EPB41: variants seen among roughly 807,000 people sequenced by gnomAD.
The protein encoded by EPB41 is erythrocyte membrane protein band 4.1, also known as protein 4.1.
EPB41 carries 65 observed loss-of-function variants against 108.0 expected under a neutral mutation model. The ratio of observed to expected loss-of-function variants is 0.60; its 90% CI spans 0.49 to 0.74. The LOEUF (loss-of-function observed/expected upper bound fraction) is 0.74. EPB41 is among the 30% of genes least tolerant of loss of function. EPB41 has a pLI of 0.00. For missense variants in EPB41, 875 were observed against 1,037.0 expected (o/e 0.84, Z 2.15); for synonymous variants, 336 against 358.9 (o/e 0.94, Z 0.72).
chr1:29,013,680 C>T (rs949244279), intron 5 of EPB41, among the ~76,000 whole-genome samples: 5 of 151,928 alleles, frequency 3.3e-5, no homozygotes, highest in Non-Finnish European at 7.4e-5. Context: ...GCATGTGCCA[C>T]CATACTTGGC....
intron 1 of EPB41, among the ~76,000 whole-genome samples, chr1:28,919,887 T>C (rs1342427116): frequency 1.3e-5 from 2 of 152,244 alleles, no homozygotes; most frequent in Non-Finnish European, 2.9e-5. Context: ...TTATCTCTTA[T>C]CTCCAAGTTA....
rs975278747 is a variant in EPB41, at chr1:28,974,800, G to T, written c.-7-12631G>T. Among the ~76,000 whole-genome samples the T allele has an allele frequency of 1.1e-4, 16 of 143,894 alleles. No homozygotes were observed. In the East Asian group the frequency reaches 1.4e-3, roughly 13 times the overall value. The allele number at this position is 143,894 out of a possible 152,430, so 94.4% of individuals were successfully genotyped here. On this transcript the variant is annotated intron_variant, in intron 1 of 20. Coordinates refer to ENST00000343067, the MANE Select transcript of EPB41 (RefSeq NM_001376013.1). ...ATTTCAGTTTTTCAGTTTTGTTTTTGTTTTTTTTTTTTGAGATGGAGTCTT... is the reference window on the plus strand; with the variant it reads ...ATTTCAGTTTTTCAGTTTTGTTTTTTTTTTTTTTTTTTGAGATGGAGTCTT...
At chr1:29,028,454 A>G (rs950323379) in intron 7 of EPB41, among the ~76,000 whole-genome samples, 14 of 152,332 alleles carry the variant, frequency 9.2e-5, no homozygotes, top group Middle Eastern at 3.4e-3. Context: ...TCCCAATAGT[A>G]ACATTCATTC....
At chr1:29,016,784 T>C (rs1368743739) in intron 6 of EPB41, among the ~76,000 whole-genome samples, 2 of 152,226 alleles carry the variant, frequency 1.3e-5, no homozygotes, top group Non-Finnish European at 2.9e-5. Context: ...CATAGGGTCT[T>C]ATCCACAGGA....
In EPB41 at chr1:29,011,071, T is replaced by C. The variant is rs139316713; in HGVS notation, c.787-794T>C. On this transcript the variant is annotated intron_variant, in intron 4 of 20. Coordinates refer to ENST00000343067, the MANE Select transcript of EPB41 (RefSeq NM_001376013.1). Reference sequence around the variant, plus strand: ...AGGCGGAGGTTGCAGTGGGCTGACATCGAGATTGCGCCATTGCTCTCCAGC... The same window carrying C: ...AGGCGGAGGTTGCAGTGGGCTGACACCGAGATTGCGCCATTGCTCTCCAGC... 9.8e-5 allele frequency among the ~76,000 whole-genome samples: 14 copies of C among 143,420 alleles called. No individual in the cohort carries two copies. In the East Asian group the frequency reaches 2.8e-3, roughly 29 times the overall value. The allele number at this position is 143,420 out of a possible 152,430, so 94.1% of individuals were successfully genotyped here.
At chr1:28,901,679 A>G (rs1570166944) in intron 1 of EPB41, among the ~76,000 whole-genome samples, 2 of 151,674 alleles carry the variant, frequency 1.3e-5, no homozygotes, top group Middle Eastern at 3.4e-3. Context: ...GATTACAGGC[A>G]CCCGCCACCA....
chr1:28,986,983 G>A (rs1026574124), intron 1 of EPB41, among the ~76,000 whole-genome samples: 3 of 152,142 alleles, frequency 2.0e-5, no homozygotes, highest in Admixed American at 6.5e-5. Flanking sequence ...AAAGACTGGG[G>A]GAACTTTTAA....
intron 16 of EPB41, among the ~76,000 whole-genome samples, chr1:29,075,205 G>A (rs1452181363): frequency 1.3e-5 from 2 of 150,702 alleles, no homozygotes; most frequent in African/African-American, 2.4e-5. Flanking sequence ...TAGGCCAGGT[G>A]TGGTGGCTCA....
intron 10 of EPB41, 34 bp from the exon 11 acceptor site, chr1:29,039,220 T>C (rs769604984): frequency 7.5e-6 from 12 of 1,594,026 alleles, no homozygotes; most frequent in African/African-American, 1.3e-5. Context: ...AAGATGAATA[T>C]ATAATAATAT....
chr1:28,928,153 T>C (rs1488851999), intron 1 of EPB41, among the ~76,000 whole-genome samples: 3 of 152,030 alleles, frequency 2.0e-5, no homozygotes, highest in African/African-American at 7.2e-5. Context: ...GCTCACGAGA[T>C]AAAACACACA....
intron 16 of EPB41, among the ~76,000 whole-genome samples, chr1:29,066,960 C>CCA (rs1400376120): frequency 6.6e-6 from 1 of 151,614 alleles, no homozygotes; most frequent in African/African-American, 2.4e-5. Context: ...CAGGCATGAG[C>CCA]CACCGTGCCC....
chr1:29,040,723 A>G (rs1224301075), intron 11 of EPB41, among the ~76,000 whole-genome samples: 1 of 152,202 alleles, frequency 6.6e-6, no homozygotes, highest in Non-Finnish European at 1.5e-5. Flanking sequence ...CTGACAGAAG[A>G]CCTGTCTGAA....
chr1:29,024,239 G>C (rs2096685847), intron 7 of EPB41, among the ~76,000 whole-genome samples: 1 of 151,894 alleles, frequency 6.6e-6, no homozygotes, highest in East Asian at 1.9e-4. Flanking sequence ...GGAGGCTGAG[G>C]CAGGAGAATT....
At chr1:29,075,211 G>T (rs192086717) in intron 16 of EPB41, among the ~76,000 whole-genome samples, 13 of 150,894 alleles carry the variant, frequency 8.6e-5, no homozygotes, top group Non-Finnish European at 1.6e-4. Flanking sequence ...AGGTGTGGTG[G>T]CTCATGCCTG....
chr1:29,100,036 G>A (rs1294034781), intron 17 of EPB41, among the ~76,000 whole-genome samples: 2 of 152,178 alleles, frequency 1.3e-5, no homozygotes, highest in African/African-American at 2.4e-5. Context: ...TTTGGCTGAG[G>A]TCTGAATGAT....
chr1:29,054,242 A>T (rs1644976234), intron 12 of EPB41: 1 of 152,178 alleles, frequency 6.6e-6, no homozygotes, highest in Admixed American at 6.5e-5. Context: ...CTGACCTTTT[A>T]TATGTTAAGC....
chr1:28,992,407 G>A (rs1274143398), intron 2 of EPB41, among the ~76,000 whole-genome samples: 3 of 152,132 alleles, frequency 2.0e-5, no homozygotes, highest in South Asian at 2.1e-4. Context: ...AATGTATGCC[G>A]GCCAGGCACG....
In EPB41 at chr1:29,115,735, C is replaced by T. The variant is rs1357149252; in HGVS notation, c.2533C>T (p.His845Tyr). ...VQAIKEAKEQHPDMSVTKVVV... is the reference protein window; with the variant it reads ...VQAIKEAKEQYPDMSVTKVVV... ...AGCCATCAAGGAGGCAAAGGAGCAG[C>T]ACCCAGACATGTCAGTGACCAAGGT... Residue 845 changes from histidine to tyrosine, a missense_variant, in exon 20 of 21, where the codon CAC (histidine) becomes TAC (tyrosine). This residue lies in a region of EPB41 where 519 missense variants were observed against 627.3 expected (regional missense o/e 0.83). Transcript: ENST00000343067. This position sits in a 1 kb window ranked among gnomAD's most constrained non-coding sequence, Gnocchi z 4.4. 2 of 1,614,158 alleles carry T rather than the reference C, an allele frequency of 1.2e-6. No homozygotes were observed. The highest frequency in any genetic ancestry group is 8.5e-7 in the Non-Finnish European group (1 of 1,180,034).
intron 1 of EPB41, among the ~76,000 whole-genome samples, chr1:28,933,099 T>C (rs1411891619): frequency 6.6e-6 from 1 of 152,162 alleles, no homozygotes; most frequent in Non-Finnish European, 1.5e-5. Flanking sequence ...TCTTTATGTA[T>C]TTTTTTCTTT....
Sources: allele counts gnomAD v4.1 joint callset (sites outside exome capture counted in the v4.1 genomes callset), GRCh38; gene constraint gnomAD v4.1.1; regional missense constraint gnomAD v4.1.1; non-coding constraint Gnocchi (gnomAD v3.1); transcripts MANE v1.5; gene names NCBI Gene and HGNC (gene_info 2026-07-23, HGNC 2026-07-21).